The following DYNC1LI1 variants were observed in gnomAD, a reference collection of about 807,000 sequenced individuals.
The protein encoded by DYNC1LI1 is cytoplasmic dynein 1 light intermediate chain 1.
Under a neutral mutation model 63.8 loss-of-function variants are expected in DYNC1LI1, and 19 were observed. That is an observed-to-expected ratio of 0.30 (90% CI 0.21 to 0.44). The LOEUF (loss-of-function observed/expected upper bound fraction) is 0.44. Among genes scored for constraint, DYNC1LI1 ranks in the 20% least tolerant of loss-of-function variants. The pLI is 1.00. For missense variants in DYNC1LI1, 565 were observed against 630.2 expected (o/e 0.90, Z 1.11); for synonymous variants, 225 against 232.3 (o/e 0.97, Z 0.28).
At position 32,534,653 on chromosome 3, in the gene DYNC1LI1, A is replaced by G; in HGVS notation, c.833-7T>C. On this transcript the variant is annotated splice_region_variant and splice_polypyrimidine_tract_variant and intron_variant, in intron 6 of 12. Transcript: ENST00000273130. ...TAAATAAGTGCTGCACCATCTGAAT[A>G]ATATGGTTAAAGAAAAATTCTGGAC... The G allele has an allele frequency of 6.5e-7, 1 of 1,530,372 alleles. No homozygotes were observed. Among genetic ancestry groups the G allele is most frequent in the Non-Finnish European group, 8.7e-7 (1 of 1,143,570 alleles). The allele number at this position is 1,530,372 out of a possible 1,614,324, so 94.8% of individuals were successfully genotyped here.
At position 32,529,584 on chromosome 3, in the gene DYNC1LI1, G is replaced by A. The variant is rs1371416240; in HGVS notation, c.1262C>T (p.Ser421Leu). 6.2e-7 allele frequency: 1 copy of A among 1,609,446 alleles called. No homozygotes were observed. The highest frequency in any genetic ancestry group is 8.5e-7 in the Non-Finnish European group (1 of 1,177,972). Residue 421 changes from serine to leucine, a missense_variant, in exon 11 of 13, where the codon TCA (serine) becomes TTA (leucine). Physicochemically the swap from Ser to Leu is moderately radical, Grantham distance 145. Transcript: ENST00000273130. ...RSVSSNVASV[S>L]PIPAGSKKID... ...TTTTTTTGACCCAGCAGGAATGGGT[G>A]ACACGCTGGCAACATTAGATGATAC...
rs1697624014 is a variant in DYNC1LI1, at chr3:32,526,745, G to A, written c.*54C>T. 2 of 1,331,932 alleles carry A rather than the reference G, an allele frequency of 1.5e-6. No individual in the cohort carries two copies. The highest frequency in any genetic ancestry group is 2.1e-6 in the Non-Finnish European group (2 of 931,878). 82.5% of individuals were successfully genotyped at this position (1,331,932 alleles called of 1,614,324 possible). Reference sequence around the variant, plus strand: ...AATTCCACTTTTGAAGGAAAAGGCAGAGGCATGTTTACATTATCCCAGAAA... The same window carrying A: ...AATTCCACTTTTGAAGGAAAAGGCAAAGGCATGTTTACATTATCCCAGAAA... On this transcript the variant is annotated 3_prime_UTR_variant, in exon 13 of 13. Coordinates refer to ENST00000273130, the MANE Select transcript of DYNC1LI1 (RefSeq NM_016141.4).
At chr3:32,530,196 C>CAT (rs1195120272) in intron 10 of DYNC1LI1, 88 bp downstream of exon 10, 14 of 1,041,350 alleles carry the variant, frequency 1.3e-5, no homozygotes, top group Middle Eastern at 6.3e-4. Flanking sequence ...AAAGCACACC[C>CAT]ATATGAAATA....
At chr3:32,539,253 ATTATT>A (rs1022951146) in intron 5 of DYNC1LI1, among the ~76,000 whole-genome samples, 17 of 152,176 alleles carry the variant, frequency 1.1e-4, no homozygotes, top group Admixed American at 5.9e-4. Context: ...CTTTAACTTA[ATTATT>A]TTAAGTGCCG....
chr3:32,526,653 CCACACACACA>C lies in DYNC1LI1; in HGVS notation c.*136_*145del, dbSNP rs3836420. ...ACGGCTCCTTCTAAAAAATGGGTAACCACACACACACACACACACACACACGACATAAATT... is the reference window on the plus strand; with the variant it reads ...ACGGCTCCTTCTAAAAAATGGGTAACCACACACACACACACGACATAAATT... On this transcript the variant is annotated 3_prime_UTR_variant, in exon 13 of 13. Coordinates refer to ENST00000273130, the MANE Select transcript of DYNC1LI1 (RefSeq NM_016141.4). The C allele has an allele frequency of 3.2e-5, 16 of 499,294 alleles. No individual in the cohort carries two copies. The Admixed American group carries it at 4.0e-4, about 12-fold the overall frequency. The allele number at this position is 499,294 out of a possible 1,614,324, so 30.9% of individuals were successfully genotyped here. A position where few individuals can be genotyped will look rare whatever the true frequency, so the allele number is the denominator to read the frequency against.
chr3:32,570,111 C>A, intron 2 of DYNC1LI1: 1 of 662,138 alleles, frequency 1.5e-6, no homozygotes, highest in Non-Finnish European at 2.7e-6. Flanking sequence ...TCAGGGCCAC[C>A]CCCATATACC....
chr3:32,562,573 C>T (rs769051577), intron 2 of DYNC1LI1, among the ~76,000 whole-genome samples: 22 of 152,166 alleles, frequency 1.4e-4, no homozygotes, highest in Non-Finnish European at 2.5e-4. Flanking sequence ...GCCATGCCCC[C>T]ACCTTGGCCT....
intron 2 of DYNC1LI1, among the ~76,000 whole-genome samples, chr3:32,564,085 T>C (rs142056593): frequency 5.3e-5 from 8 of 152,320 alleles, no homozygotes; most frequent in African/African-American, 1.9e-4. Context: ...AGGATCACTT[T>C]AGCCCAGGAG....
chr3:32,560,921 G>A (rs1698180874), intron 2 of DYNC1LI1, among the ~76,000 whole-genome samples: 1 of 133,170 alleles, frequency 7.5e-6, no homozygotes, highest in African/African-American at 2.8e-5. Flanking sequence ...ATAATCGCTT[G>A]AACAAGGGAG....
intron 2 of DYNC1LI1, chr3:32,566,528 G>A (rs1025484827): frequency 9.4e-6 from 2 of 213,844 alleles, no homozygotes; most frequent in Non-Finnish European, 1.9e-5. Flanking sequence ...ATCACCTGAG[G>A]TCAGGAGTTC....
At chr3:32,558,178 A>G (rs944144503) in intron 2 of DYNC1LI1, among the ~76,000 whole-genome samples, 2 of 152,040 alleles carry the variant, frequency 1.3e-5, no homozygotes, top group Non-Finnish European at 2.9e-5. Context: ...GGCTGTAGTG[A>G]GCTGTGACTG....
At chr3:32,526,941 T>G (rs1278887514) in intron 12 of DYNC1LI1, 33 bp from the exon 13 acceptor site, 1 of 1,469,362 alleles carries the variant, frequency 6.8e-7, no homozygotes, top group Non-Finnish European at 9.5e-7. Flanking sequence ...AAACAAGATT[T>G]AGATATAAGT....
chr3:32,527,789 G>C (rs906995309), intron 12 of DYNC1LI1, among the ~76,000 whole-genome samples: 1 of 152,124 alleles, frequency 6.6e-6, no homozygotes, highest in South Asian at 2.1e-4. Context: ...TAAATGAAAT[G>C]TGGTATAGCC....
At chr3:32,570,100 G>A (rs1344793666) in intron 2 of DYNC1LI1, 2 of 642,408 alleles carry the variant, frequency 3.1e-6, no homozygotes, top group South Asian at 3.3e-5. Context: ...AGGGGAAGCT[G>A]TCAGGGCCAC....
chr3:32,561,786 C>T (rs930106446), intron 2 of DYNC1LI1, among the ~76,000 whole-genome samples: 14 of 150,018 alleles, frequency 9.3e-5, no homozygotes, highest in African/African-American at 3.4e-4. Context: ...ATCTGTCTAC[C>T]AATCCATTAT....
At chr3:32,545,249 A>G (rs1261585149) in intron 3 of DYNC1LI1, 143 bp from the exon 4 acceptor site, 2 of 640,930 alleles carry the variant, frequency 3.1e-6, no homozygotes. Flanking sequence ...TAGGCCATCT[A>G]CCAATTTATT....
rs537989898 is a variant in DYNC1LI1, at chr3:32,570,750, G to A, written c.21C>T (p.Val7=). Residue 7 remains valine (V), a synonymous_variant, in exon 1 of 13, where the codon GTC becomes GTT. Coordinates refer to ENST00000273130, the MANE Select transcript of DYNC1LI1 (RefSeq NM_016141.4). MAAVGR[V]GSFGSSPPGL... ...CCGGCGGAGAAGAACCGAAGGAGCCGACTCGCCCCACGGCCGCCATCTTGG... is the reference window on the plus strand; with the variant it reads ...CCGGCGGAGAAGAACCGAAGGAGCCAACTCGCCCCACGGCCGCCATCTTGG... The A allele has an allele frequency of 2.0e-5, 32 of 1,605,076 alleles. No individual in the cohort carries two copies. Among genetic ancestry groups the A allele is most frequent in the Non-Finnish European group, 2.5e-5 (29 of 1,175,788 alleles).
chr3:32,529,483 T>A, intron 11 of DYNC1LI1, 57 bp downstream of exon 11: 1 of 1,504,120 alleles, frequency 6.6e-7, no homozygotes, highest in Non-Finnish European at 9.0e-7. Context: ...GAATTTTAGA[T>A]AGATTTATTT....
At chr3:32,553,768 G>T (rs953874546) in intron 2 of DYNC1LI1, among the ~76,000 whole-genome samples, 2 of 152,222 alleles carry the variant, frequency 1.3e-5, no homozygotes, top group African/African-American at 4.8e-5. Flanking sequence ...TTGGCAGGTA[G>T]GATGCTGAGG....
Sources: allele counts gnomAD v4.1 joint callset (sites outside exome capture counted in the v4.1 genomes callset), GRCh38; gene constraint gnomAD v4.1.1; transcripts MANE v1.5; gene names NCBI Gene and HGNC (gene_info 2026-07-23, HGNC 2026-07-21).